NCKAP5: variants seen among roughly 807,000 people sequenced by gnomAD.
NCKAP5 encodes nck-associated protein 5.
NCKAP5 carries 92 observed loss-of-function variants against 167.0 expected under a neutral mutation model. The ratio of observed to expected loss-of-function variants is 0.55; its 90% CI spans 0.47 to 0.66. The LOEUF is 0.66. NCKAP5 is among the 30% of genes least tolerant of loss of function. NCKAP5 has a pLI of 0.00. For synonymous variants in NCKAP5, 891 were observed against 877.4 expected, an observed-to-expected ratio of 1.02 and a Z score of -0.27; for missense variants, 2,378 against 2,315.0, an observed-to-expected ratio of 1.03 and a Z score of -0.56.
chr2:133,577,566 G>A, the NCKAP5 span, among the ~76,000 whole-genome samples: 1 of 151,668 alleles, frequency 6.6e-6, no homozygotes, highest in Non-Finnish European at 1.5e-5. Flanking sequence ...TGTGCACAAC[G>A]TGCAGGTTTG....
At chr2:133,302,905 C>G in intron 4 of NCKAP5, 132 bp downstream of exon 4, 2 of 530,822 alleles carry the variant, frequency 3.8e-6, no homozygotes, top group East Asian at 3.1e-5. Context: ...ATGATAGTTT[C>G]TTAGAATCTA....
At chr2:133,589,579 G>A in the NCKAP5 span, among the ~76,000 whole-genome samples, 1 of 152,178 alleles carries the variant, frequency 6.6e-6, no homozygotes, top group Non-Finnish European at 1.5e-5. Context: ...TTAAAGCCAT[G>A]AGGCTAGATG....
intron 14 of NCKAP5, among the ~76,000 whole-genome samples, 199 bp downstream of exon 14, chr2:132,781,741 T>C (rs1020706613): frequency 2.0e-5 from 3 of 152,240 alleles, no homozygotes; most frequent in Non-Finnish European, 4.4e-5. Flanking sequence ...CAAAGTAACA[T>C]GGACTAAATG....
At chr2:132,731,035 A>T (rs1690951891) in intron 17 of NCKAP5, among the ~76,000 whole-genome samples, 1 of 152,228 alleles carries the variant, frequency 6.6e-6, no homozygotes, top group African/African-American at 2.4e-5. Flanking sequence ...TTCGATTTAA[A>T]GTTTTAGTTC....
At chr2:133,256,985 G>A (rs1431737448) in intron 4 of NCKAP5, among the ~76,000 whole-genome samples, 3 of 151,984 alleles carry the variant, frequency 2.0e-5, no homozygotes, top group African/African-American at 7.3e-5. Context: ...ACCTACGCGC[G>A]CACACAATCA....
chr2:133,465,436 C>A (rs774330030), intron 3 of NCKAP5, among the ~76,000 whole-genome samples: 36 of 151,738 alleles, frequency 2.4e-4, no homozygotes, highest in African/African-American at 8.5e-4. Flanking sequence ...GGTTCCAAGT[C>A]TTTGCTATCG....
chr2:133,449,304 T>C (rs1174484270), intron 3 of NCKAP5, among the ~76,000 whole-genome samples: 1 of 152,242 alleles, frequency 6.6e-6, no homozygotes, highest in East Asian at 1.9e-4. Context: ...TGCCCCTAGT[T>C]CTTAGTCCTT....
chr2:132,917,321 T>C (rs1334301796), intron 8 of NCKAP5, among the ~76,000 whole-genome samples: 2 of 152,194 alleles, frequency 1.3e-5, no homozygotes, highest in South Asian at 4.1e-4. Context: ...ATACTTTTGA[T>C]AACTCATTTA....
At chr2:133,004,984 G>A (rs185412417) in intron 6 of NCKAP5, among the ~76,000 whole-genome samples, 18 of 152,284 alleles carry the variant, frequency 1.2e-4, no homozygotes, top group East Asian at 7.7e-4. Context: ...GCCCAGCCCC[G>A]CAGGCAGTCA....
chr2:133,248,359 A>G (rs2088114642), intron 4 of NCKAP5, among the ~76,000 whole-genome samples: 1 of 152,210 alleles, frequency 6.6e-6, no homozygotes, highest in Non-Finnish European at 1.5e-5. Flanking sequence ...TTATCCTCAA[A>G]CAAAACCACC....
At chr2:132,776,503 C>T (rs945503227) in intron 15 of NCKAP5, among the ~76,000 whole-genome samples, 1 of 152,152 alleles carries the variant, frequency 6.6e-6, no homozygotes, top group Non-Finnish European at 1.5e-5. Context: ...GTGAACAAGC[C>T]CCCTGGCTCT....
chr2:132,784,963 G>T lies in NCKAP5; in HGVS notation c.1848C>A (p.Asn616Lys), dbSNP rs1175332251. Residue 616 changes from asparagine to lysine, a missense_variant, in exon 14 of 20, where the codon AAC becomes AAA. Around this residue, in one of 3 missense-constraint regions of NCKAP5, gnomAD observed 1,049 missense variants for 1,023.4 expected, o/e 1.02. Coordinates refer to ENST00000409261, the MANE Select transcript of NCKAP5 (RefSeq NM_207363.3). ...LAADTDKSVE[N>K]LDVLVGFGKS... Reference sequence around the variant, plus strand: ...TTCCAAACCCCACAAGGACATCCAGGTTCTCCACGGACTTATCGGTGTCGG... The same window carrying T: ...TTCCAAACCCCACAAGGACATCCAGTTTCTCCACGGACTTATCGGTGTCGG... The T allele has an allele frequency of 1.9e-6, 3 of 1,612,036 alleles. No individual in the cohort carries two copies. The highest frequency in any genetic ancestry group is 1.7e-6 in the Non-Finnish European group (2 of 1,178,974).
At chr2:133,103,405 A>G (rs928078249) in intron 6 of NCKAP5, among the ~76,000 whole-genome samples, 3 of 152,220 alleles carry the variant, frequency 2.0e-5, no homozygotes, top group Non-Finnish European at 2.9e-5. Flanking sequence ...AATGAATATT[A>G]TAATTGTGCC....
intron 5 of NCKAP5, among the ~76,000 whole-genome samples, chr2:133,131,407 CT>C (rs1286339611): frequency 1.3e-5 from 2 of 152,170 alleles, no homozygotes; most frequent in Non-Finnish European, 2.9e-5. Context: ...CTTTACCACC[CT>C]TTAGGTCTTT....
chr2:132,695,058 C>T (rs897266749), intron 19 of NCKAP5, among the ~76,000 whole-genome samples: 4 of 152,100 alleles, frequency 2.6e-5, no homozygotes, highest in African/African-American at 9.7e-5. Context: ...AGTGAATGAG[C>T]TCTCTGGGGC....
intron 5 of NCKAP5, among the ~76,000 whole-genome samples, chr2:133,140,732 T>C (rs548855896): frequency 6.7e-6 from 1 of 149,484 alleles, no homozygotes; most frequent in East Asian, 1.9e-4. Flanking sequence ...TTAATCATTA[T>C]ATAATGATAT....
intron 4 of NCKAP5, among the ~76,000 whole-genome samples, chr2:133,289,630 G>T (rs894807203): frequency 1.3e-5 from 2 of 151,964 alleles, no homozygotes; most frequent in African/African-American, 4.8e-5. Context: ...GGTGAAGGTT[G>T]CAGTGGGCCG....
At chr2:133,166,755 TA>T (rs1203093257) in intron 5 of NCKAP5, among the ~76,000 whole-genome samples, 3 of 152,188 alleles carry the variant, frequency 2.0e-5, no homozygotes, top group African/African-American at 7.2e-5. Context: ...ATCACATACA[TA>T]AACTGAAAAA....
intron 4 of NCKAP5, among the ~76,000 whole-genome samples, chr2:133,289,702 AAAACAAAC>A (rs570223427): frequency 4.8e-5 from 7 of 147,186 alleles, no homozygotes; most frequent in East Asian, 3.9e-4. Flanking sequence ...AAAAAAAATA[AAAACAAAC>A]AAACAAACAA....
Sources: gnomAD v4.1 joint callset for allele counts (sites outside exome capture counted in the v4.1 genomes callset) on GRCh38, gnomAD v4.1.1 for gene constraint, gnomAD v4.1.1 regional missense constraint, MANE v1.5 for transcripts, NCBI Gene and HGNC (gene_info 2026-07-23, HGNC 2026-07-21) for gene names.